Variants in NTN1 observed in about 807,000 individuals in gnomAD.
NTN1 encodes the protein netrin 1.
Under a neutral mutation model 54.2 loss-of-function variants are expected in NTN1, and 11 were observed. That is an observed-to-expected ratio of 0.20 (90% CI 0.13 to 0.34). The LOEUF (loss-of-function observed/expected upper bound fraction) is 0.34, where lower values mean the gene tolerates loss of function less well. Among genes scored for constraint, NTN1 ranks in the 10% least tolerant of loss-of-function variants. The pLI, the probability that NTN1 is intolerant of heterozygous loss-of-function variation, is 1.00. For missense variants in NTN1, 740 were observed against 893.1 expected, an observed-to-expected ratio of 0.83 and a Z score of 2.18; for synonymous variants, 371 against 382.0, an observed-to-expected ratio of 0.97 and a Z score of 0.33.
At chr17:9,011,744 C>A in the NTN1 span, among the ~76,000 whole-genome samples, 1 of 152,156 alleles carries the variant, frequency 6.6e-6, no homozygotes, top group Admixed American at 6.5e-5. Flanking sequence ...TGCGCACCAC[C>A]ATGCCCAGCT....
intron 5 of NTN1, among the ~76,000 whole-genome samples, chr17:9,201,213 C>T (rs67109144): frequency 0.091 from 13,816 of 152,180 alleles, 713 homozygotes; most frequent in East Asian, 0.15. Context: ...TCTTTTCCTC[C>T]TAGAGATGGG....
chr17:9,192,493 G>C (rs1567734450), intron 5 of NTN1, among the ~76,000 whole-genome samples: 1 of 152,052 alleles, frequency 6.6e-6, no homozygotes, highest in Non-Finnish European at 1.5e-5. Context: ...CTCAATCAGG[G>C]GCTATTGTAT....
intron 2 of NTN1, among the ~76,000 whole-genome samples, chr17:9,101,415 C>T (rs755614836): frequency 6.6e-6 from 1 of 152,220 alleles, no homozygotes; most frequent in East Asian, 1.9e-4. Flanking sequence ...ACTTGTTGTT[C>T]TGAAGAATTG....
chr17:9,235,442 GT>G (rs1248350110), intron 6 of NTN1, among the ~76,000 whole-genome samples: 1 of 149,508 alleles, frequency 6.7e-6, no homozygotes, highest in Non-Finnish European at 1.5e-5. Context: ...TGCAGGGACA[GT>G]GGGAGTTCAG....
At chr17:9,013,180 C>T in the NTN1 span, among the ~76,000 whole-genome samples, 1 of 150,334 alleles carries the variant, frequency 6.7e-6, no homozygotes, top group Non-Finnish European at 1.5e-5. Flanking sequence ...AATACCACCT[C>T]TACAGAGAAA....
chr17:9,083,855 G>A (rs2092081527), intron 2 of NTN1, among the ~76,000 whole-genome samples: 2 of 152,170 alleles, frequency 1.3e-5, no homozygotes, highest in Non-Finnish European at 2.9e-5. Context: ...CTGTTAGTTA[G>A]CACAGAGATG....
chr17:9,021,814 C>T (rs1039508340), intron 1 of NTN1, among the ~76,000 whole-genome samples: 1 of 152,078 alleles, frequency 6.6e-6, no homozygotes, highest in East Asian at 1.9e-4. Flanking sequence ...GCGACCGGCG[C>T]GCGGGCTCCC....
chr17:9,238,681 T>C (rs1173959083), intron 6 of NTN1, among the ~76,000 whole-genome samples: 1 of 152,254 alleles, frequency 6.6e-6, no homozygotes, highest in Non-Finnish European at 1.5e-5. Flanking sequence ...AGGAACCTCT[T>C]GACTTTGTTT....
At chr17:9,008,489 T>A in the NTN1 span, among the ~76,000 whole-genome samples, 1 of 151,706 alleles carries the variant, frequency 6.6e-6, no homozygotes, top group East Asian at 1.9e-4. Context: ...CCAGCTGATA[T>A]TTTTTGTATT....
intron 2 of NTN1, among the ~76,000 whole-genome samples, chr17:9,081,954 T>C (rs1371535085): frequency 6.6e-6 from 1 of 152,244 alleles, no homozygotes; most frequent in Non-Finnish European, 1.5e-5. Context: ...GGGTGGGTTC[T>C]GTGTTGTCTC....
chr17:9,014,901 C>T, the NTN1 span, among the ~76,000 whole-genome samples: 1 of 152,150 alleles, frequency 6.6e-6, no homozygotes. Context: ...AAACTCTGGA[C>T]CTAGATTATT....
chr17:9,227,240 TCACA>T (rs34018394), intron 6 of NTN1, among the ~76,000 whole-genome samples: 31 of 142,544 alleles, frequency 2.2e-4, no homozygotes, highest in African/African-American at 6.8e-4. Flanking sequence ...ACATACACCA[TCACA>T]CACACACACT....
intron 2 of NTN1, among the ~76,000 whole-genome samples, chr17:9,128,242 G>A (rs903588503): frequency 2.6e-5 from 4 of 151,698 alleles, no homozygotes; most frequent in East Asian, 3.9e-4. Context: ...CCCAGGAGGC[G>A]GAGGTTGCAG....
At chr17:9,217,083 T>G (rs969172133) in intron 5 of NTN1, among the ~76,000 whole-genome samples, 2 of 151,588 alleles carry the variant, frequency 1.3e-5, no homozygotes, top group African/African-American at 4.8e-5. Context: ...ACATCTTTGC[T>G]GTACTGCTGT....
chr17:9,063,028 CTTTT>C (rs1407856039), intron 2 of NTN1, among the ~76,000 whole-genome samples: 5 of 151,634 alleles, frequency 3.3e-5, no homozygotes, highest in Non-Finnish European at 7.4e-5. Context: ...ACTATCTTTT[CTTTT>C]TCTTTTTTCC....
At chr17:9,151,053 C>T (rs1257769844) in intron 2 of NTN1, among the ~76,000 whole-genome samples, 3 of 152,064 alleles carry the variant, frequency 2.0e-5, no homozygotes, top group Non-Finnish European at 2.9e-5. Flanking sequence ...CAGTTGGTCC[C>T]CCCTGGACAT....
At chr17:9,172,828 G>A (rs1053691121) in intron 3 of NTN1, 8 of 144,886 alleles carry the variant, frequency 5.5e-5, no homozygotes, top group Non-Finnish European at 4.5e-5. Context: ...AGAATCACTT[G>A]AACCTGGGAG....
chr17:9,054,329 C>T (rs762490865), intron 2 of NTN1, among the ~76,000 whole-genome samples: 5 of 152,208 alleles, frequency 3.3e-5, no homozygotes, highest in Non-Finnish European at 5.9e-5. Context: ...CTGCCCGAGG[C>T]ATGGAAACAC....
chr17:9,046,069 A>G (rs774700421), intron 2 of NTN1, among the ~76,000 whole-genome samples: 4 of 152,366 alleles, frequency 2.6e-5, no homozygotes, highest in Admixed American at 6.5e-5. Context: ...AAAATTTAAA[A>G]CTTGTGCTTC....
Sources: allele counts gnomAD v4.1 joint callset (sites outside exome capture counted in the v4.1 genomes callset), GRCh38; gene constraint gnomAD v4.1.1; transcripts MANE v1.5; gene names NCBI Gene and HGNC (gene_info 2026-07-23, HGNC 2026-07-21).